The following AJAP1 variants were observed in gnomAD, a reference collection of about 807,000 sequenced individuals.
AJAP1 encodes the protein adherens junction-associated protein 1.
In AJAP1, 5 loss-of-function variants were observed where a neutral mutation model predicts 35.0. That is an observed-to-expected ratio of 0.14 (90% CI 0.07 to 0.30). AJAP1 has a LOEUF of 0.30. AJAP1 is among the 10% of genes least tolerant of loss of function. AJAP1 has a pLI of 1.00. For missense variants in AJAP1, 586 were observed against 571.0 expected, an observed-to-expected ratio of 1.03 and a Z score of -0.27; for synonymous variants, 284 against 249.3, an observed-to-expected ratio of 1.14 and a Z score of -1.31.
Position 4,720,013 on chromosome 1 carries a change from C to T in AJAP1, c.829+7314C>T, listed in dbSNP as rs1640482437. ...TGGAACCCTCTGCCCCACCTCTGCC[C>T]AGGAGTGGCCTGCATTGTGGATGTC... On this transcript the variant is annotated intron_variant, in intron 2 of 5. Transcript: ENST00000378191. This position sits in a 1 kb window ranked among gnomAD's most constrained non-coding sequence, Gnocchi z 4.4. Among the ~76,000 whole-genome samples the T allele has an allele frequency of 1.3e-5, 2 of 152,154 alleles. No homozygotes were observed.
intron 2 of AJAP1, among the ~76,000 whole-genome samples, chr1:4,725,215 C>T (rs1162858905): frequency 1.3e-5 from 2 of 152,192 alleles, no homozygotes; most frequent in Non-Finnish European, 2.9e-5. Context: ...CTCCAGCCCC[C>T]AACAGGCAGG....
intron 2 of AJAP1, among the ~76,000 whole-genome samples, chr1:4,748,064 C>T (rs1005944328): frequency 1.4e-4 from 22 of 152,018 alleles, no homozygotes; most frequent in African/African-American, 4.8e-5. Flanking sequence ...ACTGTGTCCC[C>T]GCACCCAGAT....
chr1:4,688,379 C>G (rs945732127), intron 1 of AJAP1, among the ~76,000 whole-genome samples: 2 of 152,184 alleles, frequency 1.3e-5, no homozygotes, highest in Non-Finnish European at 2.9e-5. Flanking sequence ...TTCCGGTTGA[C>G]ATTCAAACAC....
chr1:4,755,180 T>A (rs1641401289), intron 2 of AJAP1, among the ~76,000 whole-genome samples: 1 of 152,106 alleles, frequency 6.6e-6, no homozygotes, highest in Non-Finnish European at 1.5e-5. Flanking sequence ...TTCGAGTGCA[T>A]CTATTTATCT....
chr1:4,768,065 A>G (rs1641729417), intron 2 of AJAP1, among the ~76,000 whole-genome samples: 1 of 152,196 alleles, frequency 6.6e-6, no homozygotes, highest in Non-Finnish European at 1.5e-5. Flanking sequence ...CCAACTTGGC[A>G]GTCCCAGAGA....
intron 1 of AJAP1, among the ~76,000 whole-genome samples, chr1:4,673,079 C>T (rs1639282417): frequency 6.6e-6 from 1 of 152,196 alleles, no homozygotes; most frequent in Non-Finnish European, 1.5e-5. Flanking sequence ...CCTGAATGAG[C>T]TTGGAAACAG....
chr1:4,672,362 A>G (rs1362629846), intron 1 of AJAP1, among the ~76,000 whole-genome samples: 2 of 152,204 alleles, frequency 1.3e-5, no homozygotes, highest in Non-Finnish European at 2.9e-5. Flanking sequence ...AGGTACTTTC[A>G]TCTTGGGTGC....
chr1:4,661,169 G>A (rs896409393), intron 1 of AJAP1, among the ~76,000 whole-genome samples: 1 of 152,188 alleles, frequency 6.6e-6, no homozygotes, highest in Non-Finnish European at 1.5e-5. Flanking sequence ...AATGAAACTG[G>A]GAGATACAAT....
intron 2 of AJAP1, among the ~76,000 whole-genome samples, chr1:4,753,422 T>C (rs979267243): frequency 5.4e-5 from 8 of 147,198 alleles, no homozygotes; most frequent in African/African-American, 2.2e-4. Flanking sequence ...TACTCCATTT[T>C]CTTAAAAATA....
At chr1:4,756,485 A>G (rs1464377351) in intron 2 of AJAP1, among the ~76,000 whole-genome samples, 2 of 152,126 alleles carry the variant, frequency 1.3e-5, no homozygotes, top group Non-Finnish European at 2.9e-5. Flanking sequence ...AATGTCTCCC[A>G]AGCTAAGCTC....
At chr1:4,776,989 G>A (rs769571746) in intron 5 of AJAP1, among the ~76,000 whole-genome samples, 23 of 152,212 alleles carry the variant, frequency 1.5e-4, no homozygotes, top group Non-Finnish European at 3.2e-4. Context: ...TGTGGACCAG[G>A]AGGGCTATGC....
intron 2 of AJAP1, among the ~76,000 whole-genome samples, chr1:4,747,754 G>A (rs1641222762): frequency 6.6e-6 from 1 of 152,132 alleles, no homozygotes. Flanking sequence ...TTGGGAGGCT[G>A]GGGCAGGCAG....
intron 1 of AJAP1, among the ~76,000 whole-genome samples, chr1:4,660,112 C>T (rs1638969870): frequency 6.6e-6 from 1 of 152,270 alleles, no homozygotes; most frequent in Non-Finnish European, 1.5e-5. Context: ...ACCACACCAC[C>T]AGAGCTGGAA....
chr1:4,655,250 TG>T lies in AJAP1; in HGVS notation c.-174del. On this transcript the variant is annotated 5_prime_UTR_variant, in exon 1 of 6. It removes the in-frame stop codon of an upstream open reading frame in the 5' UTR. Coordinates refer to ENST00000378191, the MANE Select transcript of AJAP1 (RefSeq NM_018836.4). The surrounding 1 kb of genome is among the most constrained non-coding windows in gnomAD (Gnocchi z 6.9). ...AACGGCGGCGGCGCGCCGGCCGGCA[TG>T]GAGCCCCGCGCGGCCGCGCTCTGAC... is the stretch of plus-strand genomic sequence containing the variant. 1 of 226,566 alleles carries T rather than the reference TG, an allele frequency of 4.4e-6. No individual in the cohort carries two copies. The highest frequency in any genetic ancestry group is 7.4e-6 in the Non-Finnish European group (1 of 135,842). 14.0% of individuals were successfully genotyped at this position (226,566 alleles called of 1,614,324 possible). A position where few individuals can be genotyped will look rare whatever the true frequency, so the allele number is the denominator to read the frequency against.
At chr1:4,678,471 C>T (rs1639407547) in intron 1 of AJAP1, among the ~76,000 whole-genome samples, 1 of 152,230 alleles carries the variant, frequency 6.6e-6, no homozygotes, top group African/African-American at 2.4e-5. Context: ...GATTTACTGC[C>T]AAGCTCATGT....
At chr1:4,709,392 G>A (rs993300423) in intron 1 of AJAP1, among the ~76,000 whole-genome samples, 1 of 151,960 alleles carries the variant, frequency 6.6e-6, no homozygotes, top group Non-Finnish European at 1.5e-5. Flanking sequence ...GGTGAGCTTG[G>A]TGGAGTGTGG....
rs1178503387 is a variant in AJAP1, at chr1:4,769,897, A to C, written c.874A>C (p.Met292Leu). 1 of 1,613,926 alleles carries C rather than the reference A, an allele frequency of 6.2e-7. No individual in the cohort carries two copies. Among genetic ancestry groups the C allele is most frequent in the South Asian group, 1.1e-5 (1 of 91,076 alleles). The change falls in exon 3 of 6, where the codon ATG becomes CTG. Residue 292 changes from methionine (M) to leucine (L), a missense_variant. Transcript: ENST00000378191. ...CATCACCATCACCGTCTCCCTCATC[A>C]TGGTCATAGCTGCTCTCATCACAAC... ...QIITITVSLI[M>L]VIAALITTLV... is the part of the protein sequence containing the mutation.
In AJAP1 at chr1:4,692,242, G is replaced by GCTGCCTCCCGCCA. The variant is rs1639757064; in HGVS notation, c.30-19656_30-19644dup. ...CAGGCTCCTGCTGCTGCCTCCCGCCGCTGCCTCCCGCCACCAGGACAGGGT... is the reference window on the plus strand; with the variant it reads ...CAGGCTCCTGCTGCTGCCTCCCGCCGCTGCCTCCCGCCACTGCCTCCCGCCACCAGGACAGGGT... On this transcript the variant is annotated intron_variant, in intron 1 of 5. Coordinates refer to ENST00000378191, the MANE Select transcript of AJAP1 (RefSeq NM_018836.4). This position sits in a 1 kb window ranked among gnomAD's most constrained non-coding sequence, Gnocchi z 4.4. Among the ~76,000 whole-genome samples the GCTGCCTCCCGCCA allele has an allele frequency of 1.3e-5, 2 of 152,102 alleles. No homozygotes were observed. The highest frequency in any genetic ancestry group is 2.4e-5 in the African/African-American group (1 of 41,422).
intron 1 of AJAP1, among the ~76,000 whole-genome samples, chr1:4,677,681 C>T (rs578261212): frequency 1.7e-4 from 26 of 151,810 alleles, no homozygotes; most frequent in Non-Finnish European, 2.2e-4. Context: ...AGTCAGCCAG[C>T]GGGTATTCAT....
Sources: gnomAD v4.1 joint callset for allele counts (sites outside exome capture counted in the v4.1 genomes callset) on GRCh38, gnomAD v4.1.1 for gene constraint, Gnocchi (gnomAD v3.1) non-coding constraint, MANE v1.5 for transcripts, NCBI Gene and HGNC (gene_info 2026-07-23, HGNC 2026-07-21) for gene names.